The following RTCA variants were observed in gnomAD, a reference collection of about 807,000 sequenced individuals.
RTCA encodes RNA 3'-terminal phosphate cyclase.
Under a neutral mutation model 46.1 loss-of-function variants are expected in RTCA, and 37 were observed. The ratio of observed to expected loss-of-function variants is 0.80; its 90% CI spans 0.62 to 1.06. The LOEUF is 1.06. Among genes scored for constraint, RTCA ranks in the 50% least tolerant of loss-of-function variants. The pLI is 0.00. For synonymous variants in RTCA, 164 were observed against 158.3 expected (o/e 1.04, Z -0.27); for missense variants, 435 against 455.5 (o/e 0.95, Z 0.41).
chr1:100,286,951 T>A (rs934605974), intron 9 of RTCA, 148 bp from the exon 10 acceptor site: 22 of 551,906 alleles, frequency 4.0e-5, no homozygotes, highest in Non-Finnish European at 4.5e-5. Context: ...TTCTGTCATC[T>A]TCTGAGTATG....
At chr1:100,281,315 G>T (rs956734304) in intron 8 of RTCA, 2 of 533,502 alleles carry the variant, frequency 3.7e-6, no homozygotes, top group Admixed American at 1.9e-5. Flanking sequence ...GAGGCAGTGT[G>T]TTATGATAGA....
chr1:100,267,045 A>C (rs17420146), intron 2 of RTCA: 10,315 of 223,232 alleles, frequency 0.046, 262 homozygotes, highest in South Asian at 0.079. Flanking sequence ...AACAGGAAAG[A>C]ATCCTGAGAT....
intron 2 of RTCA, chr1:100,266,885 A>C: frequency 2.0e-6 from 1 of 506,762 alleles, no homozygotes; most frequent in Non-Finnish European, 3.6e-6. Flanking sequence ...TAGCTTTTAA[A>C]ATGTTTTCTC....
intron 4 of RTCA, among the ~76,000 whole-genome samples, chr1:100,270,921 C>T (rs569334524): frequency 1.3e-5 from 2 of 151,762 alleles, no homozygotes; most frequent in South Asian, 4.2e-4. Context: ...CTGTCTTGGC[C>T]TCCTGAGTAG....
intron 5 of RTCA, 43 bp downstream of exon 5, chr1:100,273,495 C>T (rs1156835061): frequency 7.9e-7 from 1 of 1,267,490 alleles, no homozygotes. Flanking sequence ...ATTACTTACG[C>T]TAGAAGTAGT....
intron 9 of RTCA, among the ~76,000 whole-genome samples, chr1:100,286,010 G>A (rs1019198845): frequency 6.6e-6 from 1 of 152,140 alleles, no homozygotes; most frequent in East Asian, 1.9e-4. Context: ...CCCTCTCTTA[G>A]TTTGTCCAGT....
At chr1:100,281,401 C>A in intron 8 of RTCA, 2 of 462,742 alleles carry the variant, frequency 4.3e-6, no homozygotes, top group Admixed American at 2.6e-5. Flanking sequence ...TGACTCTGGG[C>A]TTTCCTTATC....
chr1:100,286,871 A>T (rs995612674), intron 9 of RTCA, among the ~76,000 whole-genome samples: 1 of 152,220 alleles, frequency 6.6e-6, no homozygotes, highest in African/African-American at 2.4e-5. Flanking sequence ...ATATTAATTT[A>T]AAAAATTATA....
At chr1:100,273,270 C>A in intron 4 of RTCA, 124 bp from the exon 5 acceptor site, 1 of 569,972 alleles carries the variant, frequency 1.8e-6, no homozygotes, top group South Asian at 2.2e-5. Context: ...CCTACATATT[C>A]TTATAACACT....
At chr1:100,284,397 A>ATTT (rs199515109) in intron 8 of RTCA, among the ~76,000 whole-genome samples, 1 of 141,034 alleles carries the variant, frequency 7.1e-6, no homozygotes, top group Admixed American at 7.1e-5. Flanking sequence ...AAATTCTTTA[A>ATTT]TTTTTTTTTT....
At chr1:100,268,419 A>G in intron 3 of RTCA, 124 bp downstream of exon 3, 1 of 770,594 alleles carries the variant, frequency 1.3e-6, no homozygotes, top group South Asian at 1.9e-5. Flanking sequence ...TTTTTTTGAG[A>G]CAAGGTATCC....
At chr1:100,274,167 C>G (rs1557974826) in intron 5 of RTCA, among the ~76,000 whole-genome samples, 1 of 152,068 alleles carries the variant, frequency 6.6e-6, no homozygotes, top group East Asian at 1.9e-4. Flanking sequence ...ATATTTGCAC[C>G]TATGTTGTAG....
intron 9 of RTCA, 137 bp downstream of exon 9, chr1:100,285,459 G>T: frequency 1.6e-6 from 1 of 611,092 alleles, no homozygotes; most frequent in Non-Finnish European, 2.8e-6. Context: ...AATATTCTGG[G>T]ATTTGCATTC....
intron 9 of RTCA, 71 bp from the exon 10 acceptor site, chr1:100,287,027 TG>T: frequency 2.0e-6 from 2 of 998,760 alleles, no homozygotes; most frequent in Non-Finnish European, 2.9e-6. Flanking sequence ...ATTTTTATTA[TG>T]GGCAGCAGTG....
intron 8 of RTCA, among the ~76,000 whole-genome samples, chr1:100,282,424 C>CT (rs1666757693): frequency 6.6e-6 from 1 of 152,206 alleles, no homozygotes; most frequent in African/African-American, 2.4e-5. Flanking sequence ...GTCCTTCATG[C>CT]TTTATGAAAC....
At chr1:100,281,446 G>A in intron 8 of RTCA, 3 of 391,624 alleles carry the variant, frequency 7.7e-6, no homozygotes, top group Non-Finnish European at 1.0e-5. Context: ...TGTGATCTAT[G>A]TTTAAGGATC....
At chr1:100,277,139 T>G in intron 7 of RTCA, 119 bp from the exon 8 acceptor site, 1 of 883,800 alleles carries the variant, frequency 1.1e-6, no homozygotes, top group Middle Eastern at 2.2e-4. Flanking sequence ...TTTTTACTTT[T>G]GCAATTTGTT....
intron 4 of RTCA, among the ~76,000 whole-genome samples, chr1:100,272,238 ATTTT>A (rs1666140025): frequency 6.6e-6 from 1 of 152,164 alleles, no homozygotes; most frequent in Non-Finnish European, 1.5e-5. Context: ...TAGCCAGGTT[ATTTT>A]AGCTTCCAAA....
chr1:100,276,332 A>G (rs1557976201), intron 7 of RTCA, among the ~76,000 whole-genome samples: 1 of 152,220 alleles, frequency 6.6e-6, no homozygotes, highest in East Asian at 1.9e-4. Context: ...GTTGCATAAA[A>G]TACGTCAAAT....
Sources: allele counts gnomAD v4.1 joint callset (sites outside exome capture counted in the v4.1 genomes callset), GRCh38; gene constraint gnomAD v4.1.1; transcripts MANE v1.5; gene names NCBI Gene and HGNC (gene_info 2026-07-23, HGNC 2026-07-21).